The following FAM107B variants were observed in gnomAD, a reference collection of about 807,000 sequenced individuals.
FAM107B encodes family with sequence similarity 107 member B.
A neutral mutation model predicts 31.5 loss-of-function variants in FAM107B; 21 were observed. The ratio of observed to expected loss-of-function variants is 0.67; its 90% CI spans 0.47 to 0.96. The LOEUF (loss-of-function observed/expected upper bound fraction) is 0.96, where lower values mean the gene tolerates loss of function less well. FAM107B is among the 40% of genes least tolerant of loss of function. FAM107B has a pLI of 0.00. For synonymous variants in FAM107B, 157 were observed against 141.5 expected (o/e 1.11, Z -0.78); for missense variants, 452 against 377.1 (o/e 1.20, Z -1.64).
In FAM107B at chr10:14,726,309, G is replaced by A. The variant is rs562383813; in HGVS notation, c.411+47944C>T. The stretch of plus-strand genomic sequence containing the variant: ...TGCCTGGCCAAAAGCAGTCAAATCC[G>A]GGGAAAATGAACACATAAAAATCTA... On this transcript the variant is annotated intron_variant, in intron 1 of 4. Transcript: ENST00000181796. Among the ~76,000 whole-genome samples the A allele has an allele frequency of 8.5e-5, 13 of 152,240 alleles. No homozygotes were observed. The South Asian group carries it at 1.7e-3, about 19-fold the overall frequency.
intron 2 of FAM107B, among the ~76,000 whole-genome samples, chr10:14,583,022 G>C (rs973617970): frequency 1.3e-5 from 2 of 151,386 alleles, no homozygotes; most frequent in Non-Finnish European, 1.5e-5. Context: ...GCGGGGTGGA[G>C]GCTGCAGTAA....
chr10:14,522,966 G>C (rs990455282), intron 3 of FAM107B, among the ~76,000 whole-genome samples: 2 of 152,040 alleles, frequency 1.3e-5, no homozygotes, highest in East Asian at 3.9e-4. Flanking sequence ...AAAGCAAGTC[G>C]GCCTTCAGGG....
At position 14,656,158 on chromosome 10, in the gene FAM107B, G is replaced by C. The variant is rs540488231; in HGVS notation, c.469+11476C>G. Among the ~76,000 whole-genome samples, 10 of 152,278 alleles carry C rather than the reference G, an allele frequency of 6.6e-5. No homozygotes were observed. The South Asian group carries it at 2.1e-3, about 32-fold the overall frequency. On this transcript the variant is annotated intron_variant, in intron 2 of 4. Coordinates refer to ENST00000181796, the MANE Select transcript of FAM107B (RefSeq NM_031453.4). ...CTTTTCAACCTGTTCTGGCCCCTGT[G>C]CTCCTCCTAGATACAAATTCTGGAG...
chr10:14,527,846 A>G (rs1846461311), intron 3 of FAM107B: 1 of 232,064 alleles, frequency 4.3e-6, no homozygotes. Context: ...CCAGTCTCTA[A>G]AAAGTATACA....
At chr10:14,574,955 A>G (rs1259993887) in intron 2 of FAM107B, among the ~76,000 whole-genome samples, 1 of 152,200 alleles carries the variant, frequency 6.6e-6, no homozygotes, top group East Asian at 1.9e-4. Flanking sequence ...ATCGGAGAAC[A>G]CACCAGGAAA....
rs1018299756 is a variant in FAM107B, at chr10:14,713,996, G to A, written c.412-46305C>T. ...TAAACACTGAGTACATATGGACACAGAGAAGGGAAAAAGAGATACCAGGGC... is the reference window on the plus strand; with the variant it reads ...TAAACACTGAGTACATATGGACACAAAGAAGGGAAAAAGAGATACCAGGGC... On this transcript the variant is annotated intron_variant, in intron 1 of 4. Coordinates refer to ENST00000181796, the MANE Select transcript of FAM107B (RefSeq NM_031453.4). Among the ~76,000 whole-genome samples, 4 of 152,212 alleles carry A rather than the reference G, an allele frequency of 2.6e-5. No homozygotes were observed. The East Asian group carries it at 7.7e-4, about 29-fold the overall frequency.
chr10:14,619,207 A>G (rs1046829977), intron 2 of FAM107B, among the ~76,000 whole-genome samples: 3 of 152,188 alleles, frequency 2.0e-5, no homozygotes, highest in African/African-American at 7.2e-5. Context: ...ACTTTGCGAT[A>G]CTTTGTTACA....
intron 1 of FAM107B, among the ~76,000 whole-genome samples, chr10:14,755,112 C>T (rs1267687673): frequency 6.6e-6 from 1 of 152,136 alleles, no homozygotes; most frequent in Non-Finnish European, 1.5e-5. Flanking sequence ...AAAAACCAAC[C>T]AGTTGAGCCA....
rs184603053 is a variant in FAM107B at position 14,720,842 on chromosome 10, T to A, written c.412-53151A>T. 2.5e-3 allele frequency among the ~76,000 whole-genome samples: 374 copies of A among 152,256 alleles called. 2 individuals are homozygous for A. Among genetic ancestry groups the A allele is most frequent in the Non-Finnish European group, 4.1e-3 (281 of 68,016 alleles). ...AATTTCAAAGGAACATATTTTTTTT[T>A]AATTTATTTTTTATTTTTATACTTT... is the stretch of plus-strand genomic sequence containing the variant. On this transcript the variant is annotated intron_variant, in intron 1 of 4. Transcript: ENST00000181796.
chr10:14,625,112 C>A (rs1853122605), intron 2 of FAM107B, among the ~76,000 whole-genome samples: 1 of 151,692 alleles, frequency 6.6e-6, no homozygotes, highest in Non-Finnish European at 1.5e-5. Flanking sequence ...GTAATTCCAG[C>A]TACTTGGGAG....
chr10:14,748,529 C>A (rs749628739), intron 1 of FAM107B, among the ~76,000 whole-genome samples: 2 of 152,224 alleles, frequency 1.3e-5, no homozygotes, highest in Non-Finnish European at 2.9e-5. Context: ...ATGTCCCCAC[C>A]CCAAGACTGA....
At chr10:14,772,416 TGTG>T (rs1833328167) in intron 1 of FAM107B, among the ~76,000 whole-genome samples, 1 of 151,748 alleles carries the variant, frequency 6.6e-6, no homozygotes, top group African/African-American at 2.4e-5. Context: ...TGAGATACTC[TGTG>T]TAAAGCACTT....
intron 2 of FAM107B, chr10:14,572,304 T>A: frequency 2.0e-6 from 2 of 985,456 alleles, no homozygotes; most frequent in Non-Finnish European, 2.4e-6. Flanking sequence ...CCTCTACTTG[T>A]AAGCAAATAT....
intron 1 of FAM107B, among the ~76,000 whole-genome samples, chr10:14,710,429 A>AACACACAC (rs1337029424): frequency 1.9e-5 from 2 of 102,854 alleles, no homozygotes; most frequent in African/African-American, 9.1e-5. Flanking sequence ...TGTCTCTAAA[A>AACACACAC]ATACACACAC....
chr10:14,548,086 A>C, intron 2 of FAM107B, among the ~76,000 whole-genome samples: 1 of 152,212 alleles, frequency 6.6e-6, no homozygotes, highest in South Asian at 2.1e-4. Context: ...GAAAGGAGTA[A>C]AGCAACAGCT....
chr10:14,617,599 A>T (rs117676410), intron 2 of FAM107B, among the ~76,000 whole-genome samples: 5,539 of 152,298 alleles, frequency 0.036, 130 homozygotes, highest in Middle Eastern at 0.065. Flanking sequence ...GTGTTTGAGC[A>T]GAGACAAAAG....
At chr10:14,558,695 G>A (rs919856430) in intron 2 of FAM107B, among the ~76,000 whole-genome samples, 2 of 152,102 alleles carry the variant, frequency 1.3e-5, no homozygotes, top group Admixed American at 6.5e-5. Flanking sequence ...ACTGGGGTTG[G>A]GTGGGGAGTT....
chr10:14,549,236 A>G (rs555547541), intron 2 of FAM107B, among the ~76,000 whole-genome samples: 1 of 152,366 alleles, frequency 6.6e-6, no homozygotes, highest in African/African-American at 2.4e-5. Context: ...GACACATACA[A>G]GAGTCAACTG....
intron 1 of FAM107B, among the ~76,000 whole-genome samples, chr10:14,695,956 C>T (rs1026430122): frequency 5.9e-5 from 9 of 152,238 alleles, no homozygotes; most frequent in East Asian, 1.9e-4. Flanking sequence ...TCTTCTAATT[C>T]GGATGCCTTT....
Sources: allele counts gnomAD v4.1 joint callset (sites outside exome capture counted in the v4.1 genomes callset), GRCh38; gene constraint gnomAD v4.1.1; transcripts MANE v1.5; gene names NCBI Gene and HGNC (gene_info 2026-07-23, HGNC 2026-07-21).